KLF8: variants seen among roughly 807,000 people sequenced by gnomAD.
The protein encoded by KLF8 is Krueppel-like factor 8.
A neutral mutation model predicts 18.2 loss-of-function variants in KLF8; 10 were observed. The ratio of observed to expected loss-of-function variants is 0.55; its 90% CI spans 0.34 to 0.93. The LOEUF is 0.93. Ranked by LOEUF, KLF8 falls within the 40% of genes least tolerant of loss-of-function variation. The pLI, the probability that KLF8 is intolerant of heterozygous loss-of-function variation, is 0.02. For missense variants in KLF8, 264 were observed against 277.9 expected (o/e 0.95, Z 0.36); for synonymous variants, 109 against 97.3 (o/e 1.12, Z -0.71).
At chrX:56,022,551 CA>C in the KLF8 span, among the ~76,000 whole-genome samples, 599 of 27,263 alleles carry the variant, frequency 0.022, 5 homozygotes, top group Non-Finnish European at 0.043. Context: ...TCTGTCTGAC[CA>C]AAAAAAAAAA....
the KLF8 span, among the ~76,000 whole-genome samples, chrX:56,109,955 G>A: frequency 9.1e-6 from 1 of 109,706 alleles, no homozygotes; most frequent in African/African-American, 3.3e-5. Flanking sequence ...CCCCCAATAG[G>A]CTCCATTGTG....
chrX:56,002,832 A>T, the KLF8 span, among the ~76,000 whole-genome samples: 1 of 111,864 alleles, frequency 8.9e-6, no homozygotes, highest in East Asian at 2.8e-4. Flanking sequence ...CAGGTATCTA[A>T]TTGTCTTTTT....
At chrX:56,009,651 A>G in the KLF8 span, among the ~76,000 whole-genome samples, 1 of 112,045 alleles carries the variant, frequency 8.9e-6, no homozygotes. Context: ...GGTGAGTGAT[A>G]ATGAATTTTG....
chrX:56,265,070 T>G (rs2066949739), intron 2 of KLF8, 110 bp from the exon 3 acceptor site: 1 of 947,985 alleles, frequency 1.1e-6, no homozygotes, highest in East Asian at 3.4e-5. Flanking sequence ...CCCAGCACCA[T>G]GTATTCCTTC....
At chrX:56,188,493 C>T in the KLF8 span, among the ~76,000 whole-genome samples, 1 of 111,854 alleles carries the variant, frequency 8.9e-6, no homozygotes, top group Non-Finnish European at 1.9e-5. Flanking sequence ...CTACCAATGA[C>T]TTTCTTCACA....
the KLF8 span, among the ~76,000 whole-genome samples, chrX:56,008,318 A>G: frequency 1.8e-5 from 2 of 109,188 alleles, no homozygotes; most frequent in Non-Finnish European, 3.8e-5. Flanking sequence ...TGCACCAGCA[A>G]CTGAAGTATC....
chrX:56,196,933 TA>T, the KLF8 span, among the ~76,000 whole-genome samples: 2 of 111,975 alleles, frequency 1.8e-5, no homozygotes, highest in African/African-American at 6.5e-5. Context: ...AACTTAGGAT[TA>T]AGAAACTTAC....
the KLF8 span, among the ~76,000 whole-genome samples, chrX:56,097,463 G>T: frequency 9.3e-6 from 1 of 107,225 alleles, no homozygotes. Flanking sequence ...TCAGGTAGCT[G>T]GGATTACATG....
the KLF8 span, among the ~76,000 whole-genome samples, chrX:55,949,320 C>T: frequency 1.0e-5 from 1 of 97,672 alleles, no homozygotes; most frequent in South Asian, 5.6e-4. Context: ...AGTTGGTGGG[C>T]AGTTTTCATA....
the KLF8 span, among the ~76,000 whole-genome samples, chrX:56,123,935 A>G: frequency 8.9e-6 from 1 of 112,094 alleles, no homozygotes; most frequent in East Asian, 2.8e-4. Context: ...AGGCCAGAAA[A>G]GTTAAGTAAC....
At chrX:56,258,691 A>G (rs2066838760) in intron 2 of KLF8, among the ~76,000 whole-genome samples, 2 of 112,146 alleles carry the variant, frequency 1.8e-5, no homozygotes, top group Non-Finnish European at 3.8e-5. Context: ...AAATTGGTTC[A>G]ATGTGTAGAA....
chrX:56,139,269 C>G, the KLF8 span, among the ~76,000 whole-genome samples: 1 of 111,765 alleles, frequency 8.9e-6, no homozygotes, highest in African/African-American at 3.3e-5. Flanking sequence ...ATCAAACTAC[C>G]AACAATATTT....
the KLF8 span, among the ~76,000 whole-genome samples, chrX:56,047,953 C>T: frequency 1.8e-4 from 20 of 111,728 alleles, no homozygotes; most frequent in African/African-American, 6.5e-4. Flanking sequence ...TTAATGATTG[C>T]CATTCTAACT....
At chrX:55,919,437 G>C in the KLF8 span, among the ~76,000 whole-genome samples, 6 of 111,944 alleles carry the variant, frequency 5.4e-5, no homozygotes, top group African/African-American at 1.9e-4. Flanking sequence ...CTGTGAGCCT[G>C]CTTGCTCTCT....
the KLF8 span, among the ~76,000 whole-genome samples, chrX:56,052,516 G>T: frequency 9.0e-6 from 1 of 111,661 alleles, no homozygotes; most frequent in Non-Finnish European, 1.9e-5. Context: ...ATGTCTGTTG[G>T]AATACCTGCC....
the KLF8 span, among the ~76,000 whole-genome samples, chrX:56,069,513 A>G: frequency 9.0e-6 from 1 of 111,506 alleles, no homozygotes; most frequent in Non-Finnish European, 1.9e-5. Flanking sequence ...CCCAGGAGGT[A>G]CCCAGACAGT....
the KLF8 span, among the ~76,000 whole-genome samples, chrX:56,058,106 A>C: frequency 1.0e-5 from 1 of 97,954 alleles, no homozygotes; most frequent in Non-Finnish European, 2.0e-5. Flanking sequence ...ATACATTAGG[A>C]GTGTGCCAAT....
the KLF8 span, among the ~76,000 whole-genome samples, chrX:56,131,504 A>G: frequency 9.0e-6 from 1 of 111,654 alleles, no homozygotes; most frequent in Non-Finnish European, 1.9e-5. Flanking sequence ...AAATTTTGAA[A>G]CAAATCCTGG....
At chrX:56,182,473 C>G in the KLF8 span, among the ~76,000 whole-genome samples, 1 of 112,497 alleles carries the variant, frequency 8.9e-6, no homozygotes. Flanking sequence ...GTTACCTCAT[C>G]AAAGTCATTC....
Sources: allele counts gnomAD v4.1 joint callset (sites outside exome capture counted in the v4.1 genomes callset), GRCh38; gene constraint gnomAD v4.1.1; transcripts MANE v1.5; gene names NCBI Gene and HGNC (gene_info 2026-07-23, HGNC 2026-07-21).